ELOVL7: variants seen among roughly 807,000 people sequenced by gnomAD.
The protein encoded by ELOVL7 is ELOVL fatty acid elongase 7.
In ELOVL7, 27 loss-of-function variants were observed where a neutral mutation model predicts 35.7. That is an observed-to-expected ratio of 0.76 (90% CI 0.56 to 1.04). The LOEUF (loss-of-function observed/expected upper bound fraction) is 1.04, where lower values mean the gene tolerates loss of function less well. Among genes scored for constraint, ELOVL7 ranks in the 50% least tolerant of loss-of-function variants. The pLI, the probability that ELOVL7 is intolerant of heterozygous loss-of-function variation, is 0.00. For missense variants in ELOVL7, 327 were observed against 340.8 expected, an observed-to-expected ratio of 0.96 and a Z score of 0.32; for synonymous variants, 113 against 114.6, an observed-to-expected ratio of 0.99 and a Z score of 0.09.
At chr5:60,769,391 G>C (rs564779676) in intron 4 of ELOVL7, among the ~76,000 whole-genome samples, 1 of 152,204 alleles carries the variant, frequency 6.6e-6, no homozygotes, top group Non-Finnish European at 1.5e-5. Context: ...TGTGTCGAAT[G>C]AAAGTTGTGA....
At chr5:60,802,330 G>A (rs1744694062) in intron 1 of ELOVL7, among the ~76,000 whole-genome samples, 1 of 151,924 alleles carries the variant, frequency 6.6e-6, no homozygotes, top group Non-Finnish European at 1.5e-5. Context: ...TTCAGTTAAT[G>A]TTTGGGAAAA....
chr5:60,792,983 C>T (rs1344908693), intron 2 of ELOVL7, among the ~76,000 whole-genome samples: 1 of 152,136 alleles, frequency 6.6e-6, no homozygotes, highest in Non-Finnish European at 1.5e-5. Context: ...AGTGGAGGTG[C>T]CCCATAGTCT....
chr5:60,814,561 C>G (rs1455989950), intron 1 of ELOVL7, among the ~76,000 whole-genome samples: 1 of 152,162 alleles, frequency 6.6e-6, no homozygotes, highest in Non-Finnish European at 1.5e-5. Flanking sequence ...GGGTCATGTA[C>G]TGTGCTAGGT....
intron 3 of ELOVL7, among the ~76,000 whole-genome samples, chr5:60,783,295 T>C (rs1201135450): frequency 1.3e-5 from 2 of 152,222 alleles, no homozygotes; most frequent in African/African-American, 4.8e-5. Context: ...CCTAAAATTC[T>C]TCCTCTGATA....
intron 3 of ELOVL7, among the ~76,000 whole-genome samples, chr5:60,780,443 T>C (rs1297482878): frequency 6.6e-6 from 1 of 152,014 alleles, no homozygotes; most frequent in Non-Finnish European, 1.5e-5. Flanking sequence ...TTTTCCTGTC[T>C]TCTTCTCACC....
chr5:60,818,778 C>T (rs1468974188), intron 1 of ELOVL7, among the ~76,000 whole-genome samples: 3 of 151,220 alleles, frequency 2.0e-5, no homozygotes, highest in African/African-American at 7.3e-5. Context: ...GAGGCTGAGG[C>T]GGGTGGATCA....
At chr5:60,802,209 C>T (rs1336256842) in intron 1 of ELOVL7, among the ~76,000 whole-genome samples, 2 of 150,652 alleles carry the variant, frequency 1.3e-5, no homozygotes, top group Admixed American at 1.3e-4. Context: ...AGATTTGAAA[C>T]CATTTACTTT....
At chr5:60,800,498 T>C (rs1744542039) in intron 1 of ELOVL7, among the ~76,000 whole-genome samples, 1 of 152,242 alleles carries the variant, frequency 6.6e-6, no homozygotes, top group Non-Finnish European at 1.5e-5. Flanking sequence ...AGGCCATATA[T>C]AAAAAGCTAA....
chr5:60,808,877 T>C (rs978727096), intron 1 of ELOVL7, among the ~76,000 whole-genome samples: 8 of 152,208 alleles, frequency 5.3e-5, no homozygotes, highest in Admixed American at 5.2e-4. Flanking sequence ...AAAGAATACA[T>C]ACTATAAAAT....
chr5:60,768,721 T>C lies in ELOVL7; in HGVS notation c.256-818A>G, dbSNP rs1008457759. On this transcript the variant is annotated intron_variant, in intron 4 of 8. Transcript: ENST00000508821. ...AAGGAAAAGCCAAGGGCTCTGATTT[T>C]AACTTAACACATATATGAAATTGTT... is the stretch of plus-strand genomic sequence containing the variant. 2.6e-5 allele frequency: 12 copies of C among 456,042 alleles called. No homozygotes were observed. The Admixed American group carries it at 2.8e-4, about 11-fold the overall frequency. 28.2% of individuals were successfully genotyped at this position (456,042 alleles called of 1,614,324 possible). A position where few individuals can be genotyped will look rare whatever the true frequency, so the allele number is the denominator to read the frequency against.
At chr5:60,816,912 G>C (rs1220731691) in intron 1 of ELOVL7, among the ~76,000 whole-genome samples, 1 of 152,064 alleles carries the variant, frequency 6.6e-6, no homozygotes, top group East Asian at 1.9e-4. Flanking sequence ...CGGTGTTTGG[G>C]GAAAACTGAA....
intron 1 of ELOVL7, among the ~76,000 whole-genome samples, chr5:60,810,784 G>T (rs913150370): frequency 5.3e-5 from 8 of 152,258 alleles, no homozygotes; most frequent in Admixed American, 5.2e-4. Context: ...CTAGAATTTT[G>T]TAAGTTCTTG....
chr5:60,831,171 C>T (rs1337852439), intron 1 of ELOVL7, among the ~76,000 whole-genome samples: 1 of 152,156 alleles, frequency 6.6e-6, no homozygotes, highest in Non-Finnish European at 1.5e-5. Flanking sequence ...CAGGAGATTA[C>T]CTTCTTTCTA....
chr5:60,784,287 C>T (rs1743435112), intron 3 of ELOVL7: 1 of 491,344 alleles, frequency 2.0e-6, no homozygotes, highest in East Asian at 2.9e-5. Context: ...CAATCTTACT[C>T]ATACTCCATC....
intron 3 of ELOVL7, among the ~76,000 whole-genome samples, chr5:60,781,353 T>C (rs917342512): frequency 6.6e-6 from 1 of 152,210 alleles, no homozygotes; most frequent in Non-Finnish European, 1.5e-5. Flanking sequence ...ATGATTCTAT[T>C]ATTAACAGTC....
intron 1 of ELOVL7, among the ~76,000 whole-genome samples, chr5:60,825,587 C>T (rs907892025): frequency 2.0e-5 from 3 of 152,126 alleles, no homozygotes; most frequent in Non-Finnish European, 2.9e-5. Context: ...CAGTGCTTGA[C>T]GTGTAACAGA....
At chr5:60,811,169 T>C (rs1191862030) in intron 1 of ELOVL7, among the ~76,000 whole-genome samples, 1 of 152,030 alleles carries the variant, frequency 6.6e-6, no homozygotes, top group East Asian at 1.9e-4. Context: ...TCAGTTGTAC[T>C]TTTTTTAAAA....
At chr5:60,817,980 G>T (rs918079808) in intron 1 of ELOVL7, among the ~76,000 whole-genome samples, 1 of 151,186 alleles carries the variant, frequency 6.6e-6, no homozygotes, top group Admixed American at 6.6e-5. Flanking sequence ...TAAAAAAACT[G>T]GTATATTTGA....
chr5:60,829,683 TGGTC>T (rs1746371618), intron 1 of ELOVL7, among the ~76,000 whole-genome samples: 1 of 152,222 alleles, frequency 6.6e-6, no homozygotes, highest in South Asian at 2.1e-4. Context: ...GGTAAGATTT[TGGTC>T]TCATTCTGGC....
Sources: gnomAD v4.1 joint callset for allele counts (sites outside exome capture counted in the v4.1 genomes callset) on GRCh38, gnomAD v4.1.1 for gene constraint, MANE v1.5 for transcripts, NCBI Gene and HGNC (gene_info 2026-07-23, HGNC 2026-07-21) for gene names.